SCN11A: variants seen among roughly 807,000 people sequenced by gnomAD.
The protein encoded by SCN11A is sodium voltage-gated channel alpha subunit 11.
In SCN11A, 122 loss-of-function variants were observed where a neutral mutation model predicts 162.2. That is an observed-to-expected ratio of 0.75 (90% CI 0.65 to 0.87). SCN11A has a LOEUF of 0.87. Ranked by LOEUF, SCN11A falls within the 40% of genes least tolerant of loss-of-function variation. The pLI is 0.00. For synonymous variants in SCN11A, 758 were observed against 751.5 expected (o/e 1.01, Z -0.14); for missense variants, 2,015 against 2,181.6 (o/e 0.92, Z 1.52).
At chr3:38,954,543 A>C (rs894592389) in intron 3 of SCN11A, among the ~76,000 whole-genome samples, 1 of 152,198 alleles carries the variant, frequency 6.6e-6, no homozygotes, top group Non-Finnish European at 1.5e-5. Flanking sequence ...TTCTTAAGAA[A>C]GAGAAACTTG....
intron 19 of SCN11A, among the ~76,000 whole-genome samples, chr3:38,889,398 C>T (rs13095260): frequency 0.2 from 30,691 of 151,842 alleles, 3,455 homozygotes; most frequent in Non-Finnish European, 0.25. Context: ...GCACTCCAGC[C>T]TGGGTGGCAA....
chr3:38,859,896 T>C (rs958834962), intron 28 of SCN11A, among the ~76,000 whole-genome samples: 26 of 152,184 alleles, frequency 1.7e-4, no homozygotes, highest in Non-Finnish European at 3.5e-4. Context: ...TTAGGGGTCA[T>C]GCAGCCCCTG....
At chr3:38,862,457 C>T (rs150394464) in intron 28 of SCN11A, among the ~76,000 whole-genome samples, 48 of 152,180 alleles carry the variant, frequency 3.2e-4, no homozygotes, top group Non-Finnish European at 5.3e-4. Context: ...TTTGTAGCAG[C>T]ACAATTCGCA....
chr3:38,861,425 G>A (rs1216061702), intron 28 of SCN11A, among the ~76,000 whole-genome samples: 2 of 151,990 alleles, frequency 1.3e-5, no homozygotes, highest in African/African-American at 4.8e-5. Flanking sequence ...AAAAGAGCCT[G>A]CATAGCCAAA....
At chr3:38,885,092 AT>A (rs563456327) in intron 21 of SCN11A, among the ~76,000 whole-genome samples, 195 bp downstream of exon 21, 96 of 152,332 alleles carry the variant, frequency 6.3e-4, no homozygotes, top group African/African-American at 2.3e-3. Flanking sequence ...GAGGAGCCCA[AT>A]TAAAGCAAGA....
chr3:38,864,462 T>A (rs879492082), intron 27 of SCN11A, among the ~76,000 whole-genome samples: 5 of 152,118 alleles, frequency 3.3e-5, no homozygotes, highest in Admixed American at 2.6e-4. Flanking sequence ...AATGAGTAAT[T>A]GTGGAAATTT....
intron 2 of SCN11A, among the ~76,000 whole-genome samples, chr3:38,994,552 C>T (rs1245574303): frequency 2.0e-5 from 3 of 152,156 alleles, no homozygotes; most frequent in Non-Finnish European, 2.9e-5. Context: ...CCTACTTCTG[C>T]CCTCATATCC....
chr3:39,039,043 TTGA>T (rs1559582639), intron 1 of SCN11A, among the ~76,000 whole-genome samples: 1 of 152,226 alleles, frequency 6.6e-6, no homozygotes, highest in Non-Finnish European at 1.5e-5. Context: ...TTTTTTTTGC[TTGA>T]TGATAAGTTT....
chr3:38,880,297 A>G (rs569478832), intron 22 of SCN11A, among the ~76,000 whole-genome samples, 174 bp from the exon 23 acceptor site: 6 of 152,186 alleles, frequency 3.9e-5, no homozygotes, highest in Non-Finnish European at 4.4e-5. Flanking sequence ...CCATTCCTTG[A>G]GTAAGTAAAA....
chr3:39,027,808 G>A lies in SCN11A; in HGVS notation c.-280+4572C>T, dbSNP rs370072013. On this transcript the variant is annotated intron_variant, in intron 2 of 29. Transcript: ENST00000302328. ...TAAAGCTGGCATTTTACCTTCTAGA[G>A]CTTTCTTGGGCACTTCTGGGAGCCC... 4.6e-5 allele frequency among the ~76,000 whole-genome samples: 7 copies of A among 152,290 alleles called. No homozygotes were observed. In the South Asian group the frequency reaches 1.2e-3, roughly 27 times the overall value.
At chr3:38,912,964 G>A (rs1190910907) in intron 11 of SCN11A, among the ~76,000 whole-genome samples, 1 of 152,148 alleles carries the variant, frequency 6.6e-6, no homozygotes, top group East Asian at 1.9e-4. Context: ...CTTTACAGTA[G>A]AATGATTTAT....
chr3:38,880,534 G>A (rs771482754), intron 22 of SCN11A, among the ~76,000 whole-genome samples: 14 of 152,084 alleles, frequency 9.2e-5, no homozygotes, highest in Non-Finnish European at 1.3e-4. Flanking sequence ...TTAATTCAGT[G>A]TCTCTTTATT....
intron 2 of SCN11A, among the ~76,000 whole-genome samples, chr3:39,030,726 CCA>C (rs942347073): frequency 3.9e-5 from 6 of 151,994 alleles, no homozygotes; most frequent in African/African-American, 1.2e-4. Context: ...AAAAATCCTA[CCA>C]CACACACACA....
intron 2 of SCN11A, among the ~76,000 whole-genome samples, chr3:38,974,423 C>T (rs1366793345): frequency 6.6e-6 from 1 of 151,866 alleles, no homozygotes; most frequent in East Asian, 1.9e-4. Flanking sequence ...AGGCCGGGCG[C>T]AGTGGCTCAT....
At chr3:39,006,751 A>G (rs1323715533) in intron 2 of SCN11A, among the ~76,000 whole-genome samples, 1 of 152,108 alleles carries the variant, frequency 6.6e-6, no homozygotes, top group Non-Finnish European at 1.5e-5. Flanking sequence ...ACAGCAAGCC[A>G]TGATTGTACC....
chr3:38,851,411 G>A lies in SCN11A; in HGVS notation c.4057-660C>T, dbSNP rs928941058. 2.0e-5 allele frequency among the ~76,000 whole-genome samples: 3 copies of A among 152,148 alleles called. 1 individual carries two copies. In the South Asian group the frequency reaches 6.2e-4, roughly 32 times the overall value. On this transcript the variant is annotated intron_variant, in intron 28 of 29. Coordinates refer to ENST00000302328, the MANE Select transcript of SCN11A (RefSeq NM_001349253.2). Reference sequence around the variant, plus strand: ...TATAACTGAGGGTGAATTTACATGTGGTTTATATATAGATGGCCATACTGC... The same window carrying A: ...TATAACTGAGGGTGAATTTACATGTAGTTTATATATAGATGGCCATACTGC...
rs115657669 is a variant in SCN11A, at chr3:38,882,988, T to C, written c.3219+245A>G. Among the ~76,000 whole-genome samples the C allele has an allele frequency of 9.0e-3, 1,368 of 152,252 alleles. 27 individuals carry two copies. Among genetic ancestry groups the C allele is most frequent in the African/African-American group, 0.031 (1,300 of 41,534 alleles). The stretch of plus-strand genomic sequence containing the variant: ...TAGATGATCAAGGACCAGACTCTAG[T>C]GGCCACTTTAAAGTGCTGGTTTTAG... On this transcript the variant is annotated intron_variant, in intron 22 of 29. Coordinates refer to ENST00000302328, the MANE Select transcript of SCN11A (RefSeq NM_001349253.2).
At chr3:39,049,950 A>G (rs2032281796) in intron 1 of SCN11A, among the ~76,000 whole-genome samples, 1 of 152,190 alleles carries the variant, frequency 6.6e-6, no homozygotes, top group Non-Finnish European at 1.5e-5. Flanking sequence ...CACTATTTCA[A>G]TATTTTTCAG....
At chr3:38,921,380 T>A in intron 9 of SCN11A, 125 bp from the exon 10 acceptor site, 1 of 822,618 alleles carries the variant, frequency 1.2e-6, no homozygotes, top group Non-Finnish European at 1.9e-6. Flanking sequence ...GACTCCAGCC[T>A]AGCCTATGAT....
Sources: allele counts gnomAD v4.1 joint callset (sites outside exome capture counted in the v4.1 genomes callset), GRCh38; gene constraint gnomAD v4.1.1; transcripts MANE v1.5; gene names NCBI Gene and HGNC (gene_info 2026-07-23, HGNC 2026-07-21).